PNMA6E: variants seen among roughly 807,000 people sequenced by gnomAD.
The protein encoded by PNMA6E is paraneoplastic antigen Ma6E.
For synonymous variants in PNMA6E, 43 were observed against 17.1 expected (o/e 2.52, Z -3.74); for missense variants, 78 against 50.8 (o/e 1.53, Z -1.63).
upstream of PNMA6E, among the ~76,000 whole-genome samples, chrX:153,405,721 C>T (rs1173922497): frequency 1.8e-5 from 2 of 110,174 alleles, no homozygotes; most frequent in Non-Finnish European, 3.8e-5. Context: ...GAGCTACTTG[C>T]CAACAGCCAT....
At chrX:153,411,950 C>G in the PNMA6E span, among the ~76,000 whole-genome samples, 1 of 112,797 alleles carries the variant, frequency 8.9e-6, no homozygotes, top group African/African-American at 3.2e-5. Context: ...AATTTCTCTC[C>G]TGATTGGTTT....
At chrX:153,409,619 C>G in the PNMA6E span, among the ~76,000 whole-genome samples, 2 of 113,157 alleles carry the variant, frequency 1.8e-5, no homozygotes, top group Non-Finnish European at 1.9e-5. Flanking sequence ...ACCGCGCTGC[C>G]GCCTCCACCA....
At chrX:153,398,945 G>A (rs1358458148) in intron 1 of PNMA6E, 25 bp from the exon 2 acceptor site, 3 of 295,189 alleles carry the variant, frequency 1.0e-5, no homozygotes, top group Non-Finnish European at 1.8e-5. Context: ...AGAGAAGCTT[G>A]TTTGTGCCAA....
the PNMA6E span, among the ~76,000 whole-genome samples, chrX:153,407,147 C>T: frequency 7.1e-5 from 8 of 112,823 alleles, no homozygotes; most frequent in East Asian, 2.0e-3. Context: ...CTGGGGAGGC[C>T]AGCCAAGAGG....
At chrX:153,408,369 C>T in the PNMA6E span, among the ~76,000 whole-genome samples, 3 of 112,542 alleles carry the variant, frequency 2.7e-5, no homozygotes, top group Non-Finnish European at 5.6e-5. Flanking sequence ...GGGCATTGCT[C>T]CCTCCTGGCA....
chrX:153,405,892 C>CAATAGA (rs1315757771), upstream of PNMA6E, among the ~76,000 whole-genome samples: 8 of 111,672 alleles, frequency 7.2e-5, no homozygotes, highest in African/African-American at 2.0e-4. Context: ...CAATAGATAA[C>CAATAGA]TAATACTCTA....
At chrX:153,408,693 A>C in the PNMA6E span, among the ~76,000 whole-genome samples, 2 of 111,740 alleles carry the variant, frequency 1.8e-5, no homozygotes, top group Non-Finnish European at 3.8e-5. Flanking sequence ...CAGGAGTTGC[A>C]AAAACAGCTC....
chrX:153,401,360 A>AG (rs1476714871), upstream of PNMA6E: 9 of 112,134 alleles, frequency 8.0e-5, no homozygotes, highest in African/African-American at 2.9e-4. Context: ...TGGCTCTCTG[A>AG]GGCACTTGGC....
the PNMA6E span, among the ~76,000 whole-genome samples, chrX:153,411,866 G>A: frequency 2.7e-5 from 2 of 73,632 alleles, no homozygotes; most frequent in Non-Finnish European, 5.1e-5. Flanking sequence ...AGCCCTCGGG[G>A]CCGCCCCGTA....
chrX:153,401,955 G>C (rs1385190940), upstream of PNMA6E, among the ~76,000 whole-genome samples: 2 of 107,263 alleles, frequency 1.9e-5, no homozygotes, highest in African/African-American at 6.9e-5. Context: ...CTCCCGAGTA[G>C]CTGGGACTAC....
intron 1 of PNMA6E, among the ~76,000 whole-genome samples, chrX:153,400,098 G>T (rs914350064): frequency 2.7e-5 from 3 of 112,501 alleles, no homozygotes; most frequent in Non-Finnish European, 5.6e-5. Context: ...TAAATGGCTC[G>T]ACATATGGTC....
chrX:153,403,073 C>T (rs1241083921), upstream of PNMA6E, among the ~76,000 whole-genome samples: 3 of 112,413 alleles, frequency 2.7e-5, no homozygotes, highest in African/African-American at 9.7e-5. Context: ...TAAATTATGT[C>T]TATCTCCAAA....
At chrX:153,406,921 C>T in the PNMA6E span, among the ~76,000 whole-genome samples, 2 of 111,966 alleles carry the variant, frequency 1.8e-5, no homozygotes, top group Non-Finnish European at 3.8e-5. Flanking sequence ...AACCAGACAC[C>T]GTGAATGATG....
the PNMA6E span, among the ~76,000 whole-genome samples, chrX:153,413,295 G>A: frequency 3.0e-4 from 31 of 103,790 alleles, no homozygotes; most frequent in East Asian, 8.8e-3. Flanking sequence ...TCTAGTGGTC[G>A]TCTTAAGGCA....
In PNMA6E at chrX:153,396,127, CG is replaced by C. The variant is rs1556970149; in HGVS notation, c.*778del. On this transcript the variant is annotated 3_prime_UTR_variant, in exon 2 of 2. Coordinates refer to ENST00000445091, the MANE Select transcript of PNMA6E (RefSeq NM_001367770.1). ...TCGTGGTCACGGGGTGAGCGTCCGC[CG>C]TGCCCTGGTGCCTCCTTCCCGCCAT... 8.2e-6 allele frequency: 1 copy of C among 122,594 alleles called. No homozygotes were observed. The highest frequency in any genetic ancestry group is 3.2e-5 in the African/African-American group (1 of 30,858). The allele number at this position is 122,594 out of a possible 1,213,427, so 10.1% of individuals were successfully genotyped here.
the PNMA6E span, among the ~76,000 whole-genome samples, chrX:153,409,648 C>T: frequency 1.8e-4 from 20 of 113,049 alleles, no homozygotes; most frequent in South Asian, 4.7e-3. Context: ...TCCACACACG[C>T]GGTGCCAACA....
At chrX:153,399,229 C>G (rs929849598) in intron 1 of PNMA6E, among the ~76,000 whole-genome samples, 5 of 111,668 alleles carry the variant, frequency 4.5e-5, no homozygotes, top group Non-Finnish European at 9.4e-5. Flanking sequence ...CCCTCTTTAT[C>G]TTTTTAATGT....
At chrX:153,402,478 T>A (rs2088858311), upstream of PNMA6E, among the ~76,000 whole-genome samples, 1 of 111,522 alleles carries the variant, frequency 9.0e-6, no homozygotes, top group Admixed American at 9.5e-5. Flanking sequence ...TACTGCCCCC[T>A]GCACCCCGTC....
At position 153,397,022 on chromosome X, in the gene PNMA6E, G is replaced by T. The variant is rs2088812738; in HGVS notation, c.1828C>A (p.Gln610Lys). Residue 610 changes from glutamine (Q) to lysine (K), a missense_variant, in exon 2 of 2, where the codon CAG becomes AAG. Transcript: ENST00000445091. ...GPEGLIQVRG[Q>K]EARKPPLEGL... Reference sequence around the variant, plus strand: ...TCCAGTGGGGGTTTCCTGGCTTCCTGGCCTCTCACCTGGATGAGGCCCTCT... The same window carrying T: ...TCCAGTGGGGGTTTCCTGGCTTCCTTGCCTCTCACCTGGATGAGGCCCTCT... 1 of 296,452 alleles carries T rather than the reference G, an allele frequency of 3.4e-6. No individual in the cohort carries two copies. The highest frequency in any genetic ancestry group is 2.7e-5 in the African/African-American group (1 of 36,609). 24.4% of individuals were successfully genotyped at this position (296,452 alleles called of 1,213,427 possible).
Sources: allele counts gnomAD v4.1 joint callset (sites outside exome capture counted in the v4.1 genomes callset), GRCh38; gene constraint gnomAD v4.1.1; transcripts MANE v1.5; gene names NCBI Gene and HGNC (gene_info 2026-07-23, HGNC 2026-07-21).